Variants in SYN1 observed in about 807,000 individuals in gnomAD.
The protein encoded by SYN1 is synapsin I.
A neutral mutation model predicts 44.6 loss-of-function variants in SYN1; 8 were observed. The ratio of observed to expected loss-of-function variants is 0.18; its 90% CI spans 0.11 to 0.32. The LOEUF is 0.32. SYN1 is among the 10% of genes least tolerant of loss of function. The probability of loss-of-function intolerance (pLI) is 1.00; values close to 1 mark genes in which losing one functional copy is unlikely to be tolerated. For synonymous variants in SYN1, 275 were observed against 280.1 expected (o/e 0.98, Z 0.18); for missense variants, 451 against 639.4 (o/e 0.71, Z 3.18).
intron 1 of SYN1, among the ~76,000 whole-genome samples, chrX:47,614,772 G>T (rs1446944496): frequency 8.9e-6 from 1 of 111,923 alleles, no homozygotes; most frequent in African/African-American, 3.3e-5. Context: ...CCTCACCCAA[G>T]ATTACGCCTC....
At chrX:47,575,518 T>C (rs1696088211) in intron 9 of SYN1, among the ~76,000 whole-genome samples, 1 of 112,707 alleles carries the variant, frequency 8.9e-6, no homozygotes, top group Admixed American at 9.3e-5. Context: ...TGGTTCTGTA[T>C]GACCCAGAGC....
chrX:47,575,331 GT>G (rs1219759666), intron 9 of SYN1, 57 bp from the exon 10 acceptor site: 8 of 1,175,991 alleles, frequency 6.8e-6, no homozygotes, highest in Non-Finnish European at 4.6e-6. Context: ...TGAGGCGGCA[GT>G]AACACCGTGC....
intron 5 of SYN1, among the ~76,000 whole-genome samples, chrX:47,584,759 C>T (rs2057815400): frequency 1.8e-5 from 2 of 112,098 alleles, no homozygotes; most frequent in Admixed American, 1.9e-4. Flanking sequence ...CAAAGAGAGA[C>T]ACTCAACATA....
intron 5 of SYN1, chrX:47,585,454 C>T (rs895651379): frequency 2.5e-6 from 3 of 1,192,166 alleles, no homozygotes; most frequent in African/African-American, 3.5e-5. Context: ...ACCCCAATTT[C>T]AGTCTATCAG....
At chrX:47,585,516 C>T (rs1234102632) in intron 5 of SYN1, 19 of 1,194,862 alleles carry the variant, frequency 1.6e-5, no homozygotes, top group East Asian at 3.0e-5. Flanking sequence ...AGCTGCTTGT[C>T]GGTCCCCGCC....
intron 3 of SYN1, among the ~76,000 whole-genome samples, chrX:47,606,442 G>A (rs1349483527): frequency 9.1e-6 from 1 of 110,218 alleles, no homozygotes; most frequent in African/African-American, 3.3e-5. Context: ...AATAATTGAA[G>A]GCTGGGTGTG....
intron 5 of SYN1, among the ~76,000 whole-genome samples, chrX:47,594,088 G>C (rs1262560397): frequency 9.0e-6 from 1 of 110,845 alleles, no homozygotes; most frequent in Non-Finnish European, 1.9e-5. Context: ...AAAAGAATTA[G>C]CTAGGCATGG....
At chrX:47,603,214 T>C (rs2057885210) in intron 5 of SYN1, among the ~76,000 whole-genome samples, 1 of 111,532 alleles carries the variant, frequency 9.0e-6, no homozygotes, top group African/African-American at 3.3e-5. Flanking sequence ...TTTAATGTTT[T>C]GAGACAGGGT....
At chrX:47,618,812 C>T (rs2057938454) in intron 1 of SYN1, among the ~76,000 whole-genome samples, 1 of 111,645 alleles carries the variant, frequency 9.0e-6, no homozygotes, top group Admixed American at 9.4e-5. Context: ...TGGGGTGGGA[C>T]ACATAGCATA....
chrX:47,588,118 A>G (rs745633231), intron 5 of SYN1, among the ~76,000 whole-genome samples: 2 of 112,517 alleles, frequency 1.8e-5, no homozygotes, highest in African/African-American at 6.5e-5. Context: ...TTGAACACAC[A>G]GTACTCAGCC....
chrX:47,606,863 G>A, intron 3 of SYN1, 82 bp downstream of exon 3: 1 of 943,141 alleles, frequency 1.1e-6, no homozygotes, highest in Admixed American at 2.4e-5. Context: ...AGGATGGGTG[G>A]GGAGGTAGGA....
intron 5 of SYN1, among the ~76,000 whole-genome samples, chrX:47,596,254 A>C (rs2057863243): frequency 8.9e-6 from 1 of 112,789 alleles, no homozygotes; most frequent in Non-Finnish European, 1.9e-5. Context: ...AACAATTAGC[A>C]GCAACTGTTT....
chrX:47,576,298 G>A (rs770765689), intron 8 of SYN1, 34 bp downstream of exon 8: 16 of 1,206,912 alleles, frequency 1.3e-5, no homozygotes, highest in Middle Eastern at 4.6e-4. Flanking sequence ...TCCCACCCCC[G>A]CTTCCCCTCA....
At chrX:47,591,547 C>T (rs1016298151) in intron 5 of SYN1, among the ~76,000 whole-genome samples, 2 of 109,849 alleles carry the variant, frequency 1.8e-5, no homozygotes, top group East Asian at 2.9e-4. Context: ...ATGGTGAAAC[C>T]CCGTCTCTAC....
intron 1 of SYN1, among the ~76,000 whole-genome samples, chrX:47,607,685 C>T (rs983673017): frequency 1.0e-5 from 1 of 96,157 alleles, no homozygotes; most frequent in African/African-American, 4.0e-5. Flanking sequence ...TGGAGACCAC[C>T]CTGGACAATA....
Position 47,589,791 on chromosome X carries a change from A to G in SYN1, c.775-12290T>C, listed in dbSNP as rs191683606. On this transcript the variant is annotated intron_variant, in intron 5 of 12. Coordinates refer to ENST00000295987, the MANE Select transcript of SYN1 (RefSeq NM_006950.3). Reference sequence around the variant, plus strand: ...CAATGTCCATATTAAATGAGGTTGTATATGTGAAGTACTTGGAACAGTGCT... The same window carrying G: ...CAATGTCCATATTAAATGAGGTTGTGTATGTGAAGTACTTGGAACAGTGCT... 1.7e-3 allele frequency among the ~76,000 whole-genome samples: 193 copies of G among 111,351 alleles called. 2 individuals are homozygous for G. The highest frequency in any genetic ancestry group is 6.0e-3 in the African/African-American group (185 of 30,602).
intron 1 of SYN1, among the ~76,000 whole-genome samples, chrX:47,612,329 G>A (rs971780471): frequency 1.8e-5 from 2 of 110,433 alleles, no homozygotes; most frequent in Non-Finnish European, 3.8e-5. Flanking sequence ...CCCATTATAA[G>A]CTGGGTCCTG....
chrX:47,591,612 T>C (rs1214186183), intron 5 of SYN1, among the ~76,000 whole-genome samples: 6 of 109,138 alleles, frequency 5.5e-5, no homozygotes, highest in African/African-American at 1.7e-4. Flanking sequence ...TCCCAGCTAC[T>C]TGGGAGGCTG....
chrX:47,589,903 T>C (rs1450098221), intron 5 of SYN1: 1 of 111,895 alleles, frequency 8.9e-6, no homozygotes, highest in Non-Finnish European at 1.9e-5. Flanking sequence ...TTTATAATAT[T>C]GCAAACAATG....
Sources: allele counts gnomAD v4.1 joint callset (sites outside exome capture counted in the v4.1 genomes callset), GRCh38; gene constraint gnomAD v4.1.1; transcripts MANE v1.5; gene names NCBI Gene and HGNC (gene_info 2026-07-23, HGNC 2026-07-21).